The following C6 variants were observed in gnomAD, a reference collection of about 807,000 sequenced individuals.
C6 encodes the protein complement component C6.
C6 carries 101 observed loss-of-function variants against 112.9 expected under a neutral mutation model. That is an observed-to-expected ratio of 0.89 (90% CI 0.76 to 1.06). The LOEUF (loss-of-function observed/expected upper bound fraction) is 1.06, where lower values mean the gene tolerates loss of function less well. Ranked by LOEUF, C6 falls within the 50% of genes least tolerant of loss-of-function variation. The pLI is 0.00. For missense variants in C6, 1,202 were observed against 1,104.6 expected, an observed-to-expected ratio of 1.09 and a Z score of -1.25; for synonymous variants, 431 against 384.1, an observed-to-expected ratio of 1.12 and a Z score of -1.43.
At chr5:41,222,707 T>A (rs542657570) in intron 1 of C6, among the ~76,000 whole-genome samples, 13 of 152,348 alleles carry the variant, frequency 8.5e-5, no homozygotes, top group African/African-American at 3.1e-4. Flanking sequence ...CCCCTGCTCT[T>A]ACGAGTCAGG....
At chr5:41,218,003 A>T (rs941950776), upstream of C6, among the ~76,000 whole-genome samples, 2 of 152,070 alleles carry the variant, frequency 1.3e-5, no homozygotes, top group Non-Finnish European at 2.9e-5. Context: ...TTTGCAAAGC[A>T]CTCTTCAAAG....
In C6 at chr5:41,158,776, T is replaced by A. The variant is rs1197622959; in HGVS notation, c.1866A>T (p.Pro622=). ...TFSIMENNGQ[P]CINDDEEMKE... ...TCATTTCTTCGTCATCATTGATACA[T>A]GGTTGTCCACTAAAAGGGAAACATA... is the stretch of plus-strand genomic sequence containing the variant. Residue 622 remains proline (P), a synonymous_variant, in exon 13 of 18, where the codon CCA becomes CCT. Coordinates refer to ENST00000337836, the MANE Select transcript of C6 (RefSeq NM_000065.5). 1 of 1,569,188 alleles carries A rather than the reference T, an allele frequency of 6.4e-7. No individual in the cohort carries two copies. The highest frequency in any genetic ancestry group is 8.8e-7 in the Non-Finnish European group (1 of 1,139,372).
At chr5:41,203,278 T>C (rs1350978416) in intron 1 of C6, 28 bp from the exon 2 acceptor site, 1 of 1,610,696 alleles carries the variant, frequency 6.2e-7, no homozygotes, top group Admixed American at 1.7e-5. Context: ...ATAACACATA[T>C]CAAATGCTTT....
At chr5:41,193,056 G>T (rs1210102084) in intron 5 of C6, among the ~76,000 whole-genome samples, 1 of 152,122 alleles carries the variant, frequency 6.6e-6, no homozygotes, top group African/African-American at 2.4e-5. Context: ...TCTCAATAAG[G>T]CTGTTTTTTA....
At chr5:41,223,868 T>C (rs759276461) in intron 1 of C6, among the ~76,000 whole-genome samples, 3 of 152,138 alleles carry the variant, frequency 2.0e-5, no homozygotes, top group African/African-American at 4.8e-5. Flanking sequence ...TCATGTTCTA[T>C]TTAGTTATCA....
intron 4 of C6, among the ~76,000 whole-genome samples, chr5:41,196,383 G>A (rs1750620085): frequency 6.6e-6 from 1 of 151,722 alleles, no homozygotes; most frequent in African/African-American, 2.4e-5. Context: ...TTTTATGTTG[G>A]GTGAAAAAAG....
chr5:41,161,915 AAAAC>A (rs1295254861), intron 9 of C6, 56 bp from the exon 10 acceptor site: 18 of 1,558,576 alleles, frequency 1.2e-5, no homozygotes, highest in Middle Eastern at 1.7e-4. Flanking sequence ...TTCCTATTCT[AAAAC>A]AAACAAACAA....
At chr5:41,163,609 C>T (rs1363517133) in intron 9 of C6, among the ~76,000 whole-genome samples, 1 of 152,132 alleles carries the variant, frequency 6.6e-6, no homozygotes, top group Non-Finnish European at 1.5e-5. Flanking sequence ...CTGCGCCCAG[C>T]CTGAACTTTG....
At chr5:41,152,773 G>C (rs1480796320) in intron 15 of C6, 1 of 152,178 alleles carries the variant, frequency 6.6e-6, no homozygotes, top group Non-Finnish European at 1.5e-5. Flanking sequence ...TTGTAATTAG[G>C]CCTGGGAGGA....
chr5:41,226,680 T>C (rs924104409), intron 1 of C6, among the ~76,000 whole-genome samples: 11 of 152,268 alleles, frequency 7.2e-5, no homozygotes, highest in African/African-American at 2.6e-4. Flanking sequence ...CTTTTTTAGA[T>C]TCCCCACATA....
chr5:41,212,310 G>A (rs2150394610), intron 1 of C6, among the ~76,000 whole-genome samples: 1 of 152,024 alleles, frequency 6.6e-6, no homozygotes, highest in Middle Eastern at 3.4e-3. Flanking sequence ...ACAGGCCCCT[G>A]CCACCACACC....
intron 1 of C6, among the ~76,000 whole-genome samples, chr5:41,226,783 G>T (rs992065974): frequency 2.6e-5 from 4 of 152,020 alleles, no homozygotes; most frequent in Non-Finnish European, 5.9e-5. Context: ...CAAAAGATGG[G>T]ATTTCCTCAT....
At chr5:41,165,815 T>A (rs935818647) in intron 9 of C6, among the ~76,000 whole-genome samples, 11 of 152,276 alleles carry the variant, frequency 7.2e-5, no homozygotes, top group East Asian at 3.9e-4. Context: ...ACTCTTGATG[T>A]TGATTACATA....
intron 17 of C6, among the ~76,000 whole-genome samples, chr5:41,145,179 G>C (rs1187861307): frequency 6.6e-6 from 1 of 152,122 alleles, no homozygotes; most frequent in Admixed American, 6.5e-5. Context: ...TTGAGGAATC[G>C]CCACACTGCT....
In C6 at chr5:41,181,576, G is replaced by A. The variant is rs1271601670; in HGVS notation, c.727-17C>T. The stretch of plus-strand genomic sequence containing the variant: ...AGTTTGTACCTGGAGAAAAATCCAT[G>A]TAAAATAAAATATAATTTAGGAAAT... On this transcript the variant is annotated splice_polypyrimidine_tract_variant and intron_variant, in intron 6 of 17. Transcript: ENST00000337836. 6.3e-7 allele frequency: 1 copy of A among 1,595,288 alleles called. No individual in the cohort carries two copies. The highest frequency in any genetic ancestry group is 1.3e-5 in the African/African-American group (1 of 74,422).
chr5:41,164,702 T>C (rs1747833196), intron 9 of C6, among the ~76,000 whole-genome samples: 1 of 152,202 alleles, frequency 6.6e-6, no homozygotes, highest in Non-Finnish European at 1.5e-5. Flanking sequence ...AACTTTGCAA[T>C]GTCCTCTTGT....
intron 1 of C6, among the ~76,000 whole-genome samples, chr5:41,230,306 A>T (rs1202767193): frequency 2.0e-5 from 3 of 152,120 alleles, no homozygotes; most frequent in African/African-American, 7.2e-5. Flanking sequence ...GAGCCTATAA[A>T]CAGACGTGCA....
intron 1 of C6, among the ~76,000 whole-genome samples, chr5:41,233,605 G>T (rs1280446279): frequency 1.3e-5 from 2 of 152,052 alleles, no homozygotes; most frequent in African/African-American, 4.8e-5. Flanking sequence ...GATTTTTGTA[G>T]AGCACTTTGG....
chr5:41,175,964 C>CGCGGCTCACTG (rs1748806392), intron 8 of C6, among the ~76,000 whole-genome samples: 1 of 152,148 alleles, frequency 6.6e-6, no homozygotes, highest in South Asian at 2.1e-4. Flanking sequence ...CTAGCTTAGT[C>CGCGGCTCACTG]GCTTGTCAAG....
Sources: allele counts gnomAD v4.1 joint callset (sites outside exome capture counted in the v4.1 genomes callset), GRCh38; gene constraint gnomAD v4.1.1; transcripts MANE v1.5; gene names NCBI Gene and HGNC (gene_info 2026-07-23, HGNC 2026-07-21).